The following BBX variants were observed in gnomAD, a reference collection of about 807,000 sequenced individuals.
BBX encodes the protein BBX high mobility group box domain containing.
Under a neutral mutation model 100.2 loss-of-function variants are expected in BBX, and 30 were observed. That is an observed-to-expected ratio of 0.30 (90% confidence interval 0.22 to 0.41). The LOEUF is 0.41. Ranked by LOEUF, BBX falls within the 10% of genes least tolerant of loss-of-function variation. The probability of loss-of-function intolerance (pLI) is 1.00; values close to 1 mark genes in which losing one functional copy is unlikely to be tolerated. For synonymous variants in BBX, 376 were observed against 388.1 expected, an observed-to-expected ratio of 0.97 and a Z score of 0.37; for missense variants, 1,023 against 1,129.8, an observed-to-expected ratio of 0.91 and a Z score of 1.35.
chr3:107,780,963 C>T (rs2067818440), intron 13 of BBX, among the ~76,000 whole-genome samples: 1 of 151,882 alleles, frequency 6.6e-6, no homozygotes, highest in South Asian at 2.1e-4. Context: ...AATTTTTCCT[C>T]TGATAATTTG....
Position 107,789,812 on chromosome 3 carries a change from C to T in BBX, c.2229C>T (p.Asn743=), listed in dbSNP as rs553132718. ...SKGPFQSQKK[N]LFHKIVSKYK... ...GTCCTTTCCAGTCTCAGAAAAAGAA[C>T]TTATTCCACAAAATTGTCAGCAAAT... Residue 743 remains asparagine, a synonymous_variant, in exon 14 of 18, where the codon AAC becomes AAT. Transcript: ENST00000325805. 5.8e-6 allele frequency: 9 copies of T among 1,548,096 alleles called. No homozygotes were observed. Among genetic ancestry groups the T allele is most frequent in the Middle Eastern group, 1.7e-4 (1 of 5,984 alleles).
chr3:107,716,073 T>A (rs2062081225), intron 4 of BBX, among the ~76,000 whole-genome samples: 1 of 152,226 alleles, frequency 6.6e-6, no homozygotes, highest in Admixed American at 6.5e-5. Flanking sequence ...ATTACCTTTT[T>A]ATGTCTTACT....
At chr3:107,634,351 A>G (rs921240310) in intron 2 of BBX, among the ~76,000 whole-genome samples, 4 of 152,202 alleles carry the variant, frequency 2.6e-5, no homozygotes, top group Non-Finnish European at 5.9e-5. Context: ...CTGTTGTACC[A>G]TTCTCAGCTC....
At chr3:107,642,278 A>T (rs886956719) in intron 2 of BBX, among the ~76,000 whole-genome samples, 1 of 152,256 alleles carries the variant, frequency 6.6e-6, no homozygotes, top group Non-Finnish European at 1.5e-5. Flanking sequence ...CCATTATATT[A>T]CATGGAGGTA....
At chr3:107,712,993 C>T (rs1402242240) in intron 4 of BBX, among the ~76,000 whole-genome samples, 1 of 152,224 alleles carries the variant, frequency 6.6e-6, no homozygotes, top group East Asian at 1.9e-4. Context: ...TATTATCCTG[C>T]AGACATAGGT....
intron 2 of BBX, among the ~76,000 whole-genome samples, chr3:107,615,595 C>A (rs909942148): frequency 2.6e-5 from 4 of 152,104 alleles, no homozygotes. Context: ...AAAACCATAA[C>A]CTTGGGGCCT....
At chr3:107,756,011 G>A (rs73850161) in intron 10 of BBX, among the ~76,000 whole-genome samples, 2,705 of 152,098 alleles carry the variant, frequency 0.018, 81 homozygotes, top group African/African-American at 0.062. Context: ...CCCGTAAACC[G>A]TCTATAAATC....
chr3:107,740,970 C>T (rs1046938539), intron 7 of BBX, among the ~76,000 whole-genome samples: 1 of 148,596 alleles, frequency 6.7e-6, no homozygotes. Flanking sequence ...CTAACACATA[C>T]TAGATACAAG....
At chr3:107,691,345 A>G (rs1247405474) in intron 3 of BBX, among the ~76,000 whole-genome samples, 1 of 152,200 alleles carries the variant, frequency 6.6e-6, no homozygotes, top group Non-Finnish European at 1.5e-5. Context: ...TTTACTGGAT[A>G]AAAATAAGGT....
intron 17 of BBX, among the ~76,000 whole-genome samples, chr3:107,802,589 G>A (rs761097055): frequency 2.6e-5 from 4 of 152,230 alleles, no homozygotes; most frequent in African/African-American, 9.6e-5. Flanking sequence ...GGAAATAAGA[G>A]GGAATCTGAG....
intron 11 of BBX, among the ~76,000 whole-genome samples, chr3:107,774,479 A>T (rs2067164290): frequency 6.6e-6 from 1 of 152,184 alleles, no homozygotes; most frequent in Non-Finnish European, 1.5e-5. Flanking sequence ...TGTCTCTTTG[A>T]GTCATGTGAT....
In BBX at chr3:107,710,529, A is replaced by G. The variant is rs1176469523; in HGVS notation, c.69A>G (p.Arg23=). ...EGEGVGKRPK[R]KCLQWHPLLA... ...AAGGGGTTGGAAAACGACCAAAACG[A>G]AAGTGTCTTCAGTGGCATCCATTGC... is the stretch of plus-strand genomic sequence containing the variant. Residue 23 remains arginine, a synonymous_variant, in exon 4 of 18, where the codon CGA becomes CGG. Coordinates refer to ENST00000325805, the MANE Select transcript of BBX (RefSeq NM_001142568.3). 3.1e-6 allele frequency: 5 copies of G among 1,613,896 alleles called. No homozygotes were observed. The East Asian group carries it at 8.9e-5, about 29-fold the overall frequency.
At chr3:107,711,231 C>G (rs1001598969) in intron 4 of BBX, 1 of 434,848 alleles carries the variant, frequency 2.3e-6, no homozygotes, top group Non-Finnish European at 4.7e-6. Flanking sequence ...TTGCTATTTG[C>G]CATGTATTTA....
chr3:107,774,653 C>T (rs2067181001), intron 11 of BBX, 66 bp from the exon 12 acceptor site: 8 of 1,533,870 alleles, frequency 5.2e-6, no homozygotes, highest in Non-Finnish European at 7.1e-6. Flanking sequence ...GCTCGTGAAG[C>T]AACTAACATC....
chr3:107,554,753 T>C (rs1438898816), intron 2 of BBX, among the ~76,000 whole-genome samples: 2 of 148,980 alleles, frequency 1.3e-5, no homozygotes, highest in African/African-American at 5.0e-5. Context: ...AATTGTGTCC[T>C]GAGTCCAATG....
Position 107,791,310 on chromosome 3 carries a change from C to T in BBX, c.2353+11C>T. The T allele has an allele frequency of 6.2e-7, 1 of 1,607,178 alleles. No individual in the cohort carries two copies. Among genetic ancestry groups the T allele is most frequent in the Non-Finnish European group, 8.5e-7 (1 of 1,174,680 alleles). On this transcript the variant is annotated intron_variant, in intron 15 of 17. Coordinates refer to ENST00000325805, the MANE Select transcript of BBX (RefSeq NM_001142568.3). ...TTCACCCTACAGAAGGTAAGACAAG[C>T]AATGTTATTTAATTTGAGACAATCG...
At chr3:107,723,407 T>C (rs1383529570) in intron 5 of BBX, among the ~76,000 whole-genome samples, 3 of 151,882 alleles carry the variant, frequency 2.0e-5, no homozygotes, top group Non-Finnish European at 4.4e-5. Context: ...TTTTATTTTA[T>C]TTTTTTAATT....
At chr3:107,791,614 A>G (rs1250252614) in intron 15 of BBX, among the ~76,000 whole-genome samples, 1 of 152,168 alleles carries the variant, frequency 6.6e-6, no homozygotes, top group East Asian at 1.9e-4. Context: ...GCAGATGCTT[A>G]TGCCCAGTGG....
chr3:107,805,333 G>A, intron 17 of BBX, 37 bp from the exon 18 acceptor site: 1 of 1,586,678 alleles, frequency 6.3e-7, no homozygotes, highest in Non-Finnish European at 8.6e-7. Context: ...AATAACATAT[G>A]CTGAATAAGT....
Sources: allele counts gnomAD v4.1 joint callset (sites outside exome capture counted in the v4.1 genomes callset), GRCh38; gene constraint gnomAD v4.1.1; transcripts MANE v1.5; gene names NCBI Gene and HGNC (gene_info 2026-07-23, HGNC 2026-07-21).